The following NFIB variants were observed in gnomAD, a reference collection of about 807,000 sequenced individuals.
The protein encoded by NFIB is nuclear factor 1 B-type.
NFIB carries 11 observed loss-of-function variants against 61.5 expected under a neutral mutation model. The observed-to-expected ratio is 0.18, with a 90% CI of 0.11 to 0.30. The LOEUF is 0.30. Ranked by LOEUF, NFIB falls within the 10% of genes least tolerant of loss-of-function variation. The probability of loss-of-function intolerance (pLI) is 1.00; values close to 1 mark genes in which losing one functional copy is unlikely to be tolerated. For missense variants in NFIB, 471 were observed against 608.9 expected, an observed-to-expected ratio of 0.77 and a Z score of 2.38; for synonymous variants, 260 against 216.5, an observed-to-expected ratio of 1.20 and a Z score of -1.76.
the NFIB span, among the ~76,000 whole-genome samples, chr9:14,420,608 T>A: frequency 6.6e-6 from 1 of 152,116 alleles, no homozygotes; most frequent in Admixed American, 6.5e-5. Flanking sequence ...TTGCATGACC[T>A]CTTCATGGCT....
At chr9:14,272,051 C>T (rs535433735) in intron 2 of NFIB, among the ~76,000 whole-genome samples, 6 of 152,106 alleles carry the variant, frequency 3.9e-5, no homozygotes, top group African/African-American at 1.2e-4. Context: ...CATCCAGTGG[C>T]CATTAAAAAA....
intron 1 of NFIB, among the ~76,000 whole-genome samples, chr9:14,369,008 G>C (rs1221421121): frequency 6.6e-6 from 1 of 152,170 alleles, no homozygotes; most frequent in Admixed American, 6.5e-5. Flanking sequence ...TTTTGGTACT[G>C]TGTATCATGC....
chr9:14,315,288 G>A (rs1041072430), upstream of NFIB, among the ~76,000 whole-genome samples: 1 of 151,154 alleles, frequency 6.6e-6, no homozygotes, highest in Non-Finnish European at 1.5e-5. Context: ...CTTCGCCGCG[G>A]TTTGCCGCCC....
chr9:14,196,878 A>T (rs1421542648), intron 2 of NFIB, among the ~76,000 whole-genome samples: 1 of 152,146 alleles, frequency 6.6e-6, no homozygotes, highest in Non-Finnish European at 1.5e-5. Context: ...AATCGTATGG[A>T]ATTCCTTTAA....
At chr9:14,494,663 G>A in the NFIB span, among the ~76,000 whole-genome samples, 3 of 152,158 alleles carry the variant, frequency 2.0e-5, no homozygotes, top group African/African-American at 7.2e-5. Context: ...TGAAAGAGGC[G>A]CTCAGCATGC....
At chr9:14,240,384 A>G (rs1167733869) in intron 2 of NFIB, among the ~76,000 whole-genome samples, 1 of 152,176 alleles carries the variant, frequency 6.6e-6, no homozygotes, top group African/African-American at 2.4e-5. Context: ...TCCATTTTGA[A>G]GCATATGGCT....
intron 2 of NFIB, among the ~76,000 whole-genome samples, chr9:14,197,541 A>T (rs2048597584): frequency 6.6e-6 from 1 of 152,274 alleles, no homozygotes. Context: ...AATTATACCC[A>T]TAACCACATT....
the NFIB span, among the ~76,000 whole-genome samples, chr9:14,486,388 G>C: frequency 6.6e-6 from 1 of 152,156 alleles, no homozygotes; most frequent in Non-Finnish European, 1.5e-5. Context: ...AGGAGGATTC[G>C]TTGTCAAGGA....
chr9:14,430,807 C>G, the NFIB span, among the ~76,000 whole-genome samples: 1 of 152,106 alleles, frequency 6.6e-6, no homozygotes, highest in East Asian at 1.9e-4. Flanking sequence ...GTCTTGAACT[C>G]ATGACCTCAA....
intron 2 of NFIB, among the ~76,000 whole-genome samples, chr9:14,276,272 A>G (rs1563967037): frequency 6.6e-6 from 1 of 152,180 alleles, no homozygotes; most frequent in Non-Finnish European, 1.5e-5. Flanking sequence ...TTGCTTCCCA[A>G]TCCTATTTTC....
chr9:14,220,846 C>CACACACACACAA (rs1427826131), intron 2 of NFIB, among the ~76,000 whole-genome samples: 2 of 97,538 alleles, frequency 2.1e-5, no homozygotes, highest in African/African-American at 9.6e-5. Context: ...TCTCCCTACA[C>CACACACACACAA]ACACACACAC....
chr9:14,245,335 T>C (rs1332510782), intron 2 of NFIB, among the ~76,000 whole-genome samples: 3 of 152,196 alleles, frequency 2.0e-5, no homozygotes, highest in Non-Finnish European at 2.9e-5. Context: ...AGCTTTCCTA[T>C]GTCCTTCTTG....
At chr9:14,360,202 C>A (rs917001251) in intron 1 of NFIB, among the ~76,000 whole-genome samples, 2 of 152,210 alleles carry the variant, frequency 1.3e-5, no homozygotes, top group Non-Finnish European at 2.9e-5. Flanking sequence ...GCTACAAACA[C>A]TTATATTAAG....
At chr9:14,169,976 G>C (rs1227294292) in intron 3 of NFIB, among the ~76,000 whole-genome samples, 1 of 152,126 alleles carries the variant, frequency 6.6e-6, no homozygotes, top group East Asian at 1.9e-4. Context: ...ATCCTATAAG[G>C]TAGAAAAAGA....
chr9:14,468,452 A>G, the NFIB span, among the ~76,000 whole-genome samples: 1 of 152,180 alleles, frequency 6.6e-6, no homozygotes, highest in Non-Finnish European at 1.5e-5. Context: ...TAATGAATAG[A>G]GATGCATTCT....
chr9:14,422,575 C>G, the NFIB span, among the ~76,000 whole-genome samples: 13 of 152,206 alleles, frequency 8.5e-5, no homozygotes, highest in African/African-American at 2.9e-4. Flanking sequence ...GGCCAACACA[C>G]TTATAAAACC....
At chr9:14,141,213 A>C (rs934371633) in intron 6 of NFIB, among the ~76,000 whole-genome samples, 12 of 152,226 alleles carry the variant, frequency 7.9e-5, no homozygotes, top group Non-Finnish European at 1.8e-4. Flanking sequence ...CTTGGAAACA[A>C]ATTAAAATTT....
At chr9:14,160,724 T>C (rs920280289) in intron 3 of NFIB, among the ~76,000 whole-genome samples, 3 of 151,170 alleles carry the variant, frequency 2.0e-5, no homozygotes, top group African/African-American at 7.3e-5. Context: ...ATATTATTGG[T>C]GTTGCCATTT....
Position 14,309,512 on chromosome 9 carries a change from A to G in NFIB, c.31-1992T>C, listed in dbSNP as rs1283818298. On this transcript the variant is annotated intron_variant, in intron 1 of 10. Coordinates refer to ENST00000380953, the MANE Select transcript of NFIB (RefSeq NM_001190737.2). ...CATAGAGGAAATCATTAAACCGATC[A>G]GTAGTTTCCAGCAGAGATTTGAACA... is the stretch of plus-strand genomic sequence containing the variant. 4.6e-5 allele frequency among the ~76,000 whole-genome samples: 7 copies of G among 152,242 alleles called. No individual in the cohort carries two copies. The East Asian group carries it at 1.2e-3, about 25-fold the overall frequency.
Sources: gnomAD v4.1 joint callset for allele counts (sites outside exome capture counted in the v4.1 genomes callset) on GRCh38, gnomAD v4.1.1 for gene constraint, MANE v1.5 for transcripts, NCBI Gene and HGNC (gene_info 2026-07-23, HGNC 2026-07-21) for gene names.